ZXDA: variants seen among roughly 807,000 people sequenced by gnomAD.
ZXDA encodes the protein zinc finger X-linked duplicated A.
In ZXDA, 5 loss-of-function variants were observed where a neutral mutation model predicts 10.1. The ratio of observed to expected loss-of-function variants is 0.50; its 90% CI spans 0.26 to 1.04. The LOEUF (loss-of-function observed/expected upper bound fraction) is 1.04, where lower values mean the gene tolerates loss of function less well. ZXDA is among the 50% of genes least tolerant of loss of function. The pLI is 0.14. For synonymous variants in ZXDA, 266 were observed against 313.1 expected, an observed-to-expected ratio of 0.85 and a Z score of 1.59; for missense variants, 501 against 672.4, an observed-to-expected ratio of 0.75 and a Z score of 2.82.
Position 57,906,729 on chromosome X carries a change from A to G in ZXDA, c.*1292T>C, listed in dbSNP as rs1010338422. On this transcript the variant is annotated 3_prime_UTR_variant, in exon 1 of 1. Transcript: ENST00000358697. ...TACATTTGTAATCTGAGCTAGGTAAATTTTAATATGAATTGTAGATCTGAC... is the reference window on the plus strand; with the variant it reads ...TACATTTGTAATCTGAGCTAGGTAAGTTTTAATATGAATTGTAGATCTGAC... The G allele has an allele frequency of 9.0e-6, 1 of 111,321 alleles. No homozygotes were observed. Among genetic ancestry groups the G allele is most frequent in the African/African-American group, 3.3e-5 (1 of 30,583 alleles). The allele number at this position is 111,321 out of a possible 1,213,427, so 9.2% of individuals were successfully genotyped here. A position where few individuals can be genotyped will look rare whatever the true frequency, so the allele number is the denominator to read the frequency against.
At position 57,910,172 on chromosome X, in the gene ZXDA, G is replaced by A. The variant is rs1392422029; in HGVS notation, c.249C>T (p.Gly83=). 1.0e-5 allele frequency: 12 copies of A among 1,199,999 alleles called. No individual in the cohort carries two copies. In the African/African-American group the frequency reaches 1.1e-4, roughly 11 times the overall value. The change falls in exon 1 of 1, where the codon GGC becomes GGT. Residue 83 remains glycine, a synonymous_variant. Coordinates refer to ENST00000358697, the MANE Select transcript of ZXDA (RefSeq NM_007156.5). Reference sequence around the variant, plus strand: ...GCACCAGGAAGAAGTCGTCGCCGCCGCCGCTAGGTTGATGGGGCCTCGGCG... The same window carrying A: ...GCACCAGGAAGAAGTCGTCGCCGCCACCGCTAGGTTGATGGGGCCTCGGCG... ...LFAPRPHQPS[G]GGDDFFLVLL...
chrX:57,905,775 G>C lies in ZXDA; in HGVS notation c.*2246C>G, dbSNP rs1278447287. On this transcript the variant is annotated 3_prime_UTR_variant, in exon 1 of 1. Coordinates refer to ENST00000358697, the MANE Select transcript of ZXDA (RefSeq NM_007156.5). ...GAAAATTCTATAGACCATAACAAAA[G>C]CATAGCTTATGATAGTTTTCATGGG... Among the ~76,000 whole-genome samples, 3 of 111,426 alleles carry C rather than the reference G, an allele frequency of 2.7e-5. No homozygotes were observed. The highest frequency in any genetic ancestry group is 5.7e-5 in the Non-Finnish European group (3 of 53,008).
chrX:57,910,161 T>C lies in ZXDA; in HGVS notation c.260A>G (p.Asp87Gly). Residue 87 changes from aspartate to glycine, a missense_variant, in exon 1 of 1, where the codon GAC (aspartate) becomes GGC (glycine). By Grantham distance (94) the Asp-to-Gly change is moderately conservative. Around this residue, in one of 5 missense-constraint regions of ZXDA, gnomAD observed 251 missense variants for 221.6 expected, o/e 1.13. Coordinates refer to ENST00000358697, the MANE Select transcript of ZXDA (RefSeq NM_007156.5). Reference sequence around the variant, plus strand: ...CGGGTCAAGCAGCACCAGGAAGAAGTCGTCGCCGCCGCCGCTAGGTTGATG... The same window carrying C: ...CGGGTCAAGCAGCACCAGGAAGAAGCCGTCGCCGCCGCCGCTAGGTTGATG... ...RPHQPSGGGD[D>G]FFLVLLDPVG... 1 of 1,200,966 alleles carries C rather than the reference T, an allele frequency of 8.3e-7. No homozygotes were observed. The highest frequency in any genetic ancestry group is 1.1e-6 in the Non-Finnish European group (1 of 893,330).
Position 57,907,861 on chromosome X carries a change from G to A in ZXDA, c.*160C>T. 3.1e-6 allele frequency: 2 copies of A among 652,997 alleles called. No homozygotes were observed. The highest frequency in any genetic ancestry group is 4.5e-6 in the Non-Finnish European group (2 of 441,687). 53.8% of individuals were successfully genotyped at this position (652,997 alleles called of 1,213,427 possible). ...AGGGTCACACAACTTGTCAGTTCCA[G>A]ACTCAAGATCAGAATTTAGATCTCC... On this transcript the variant is annotated 3_prime_UTR_variant, in exon 1 of 1. Transcript: ENST00000358697.
rs968563171 is a variant in ZXDA, at chrX:57,906,862, T to C, written c.*1159A>G. The C allele has an allele frequency of 6.3e-5, 7 of 111,849 alleles. No homozygotes were observed. Among genetic ancestry groups the C allele is most frequent in the African/African-American group, 2.3e-4 (7 of 30,748 alleles). 9.2% of individuals were successfully genotyped at this position (111,849 alleles called of 1,213,427 possible). ...TAAGATAGATGGTATCTACTCAAAA[T>C]GCAGACAAAACCCTCTCATTTCAAC... On this transcript the variant is annotated 3_prime_UTR_variant, in exon 1 of 1. Coordinates refer to ENST00000358697, the MANE Select transcript of ZXDA (RefSeq NM_007156.5).
In ZXDA at chrX:57,905,781, C is replaced by T. The variant is rs761063482; in HGVS notation, c.*2240G>A. Among the ~76,000 whole-genome samples the T allele has an allele frequency of 9.0e-6, 1 of 111,402 alleles. No individual in the cohort carries two copies. Among genetic ancestry groups the T allele is most frequent in the East Asian group, 2.8e-4 (1 of 3,579 alleles). ...TCTATAGACCATAACAAAAGCATAG[C>T]TTATGATAGTTTTCATGGGAGGAAA... On this transcript the variant is annotated 3_prime_UTR_variant, in exon 1 of 1. Coordinates refer to ENST00000358697, the MANE Select transcript of ZXDA (RefSeq NM_007156.5).
chrX:57,908,122 C>G lies in ZXDA; in HGVS notation c.2299G>C (p.Glu767Gln), dbSNP rs143555051. 2 of 1,212,081 alleles carry G rather than the reference C, an allele frequency of 1.7e-6. No homozygotes were observed. The stretch of plus-strand genomic sequence containing the variant: ...GGGAATCCAAACTGGGTTTCTCCCT[C>G]CTGTCCAAAGAAGTCAGAGTTAGGA... ...VHPNSDFFGQ[E>Q]GETQFGFPNA... Residue 767 changes from glutamate to glutamine, a missense_variant, in exon 1 of 1, where the codon GAG (glutamate) becomes CAG (glutamine). Glu to Gln is a conservative substitution (Grantham distance 29, BLOSUM62 2). Transcript: ENST00000358697.
At position 57,908,771 on chromosome X, in the gene ZXDA, A is replaced by G; in HGVS notation, c.1650T>C (p.Cys550=). 4.1e-6 allele frequency: 5 copies of G among 1,206,284 alleles called. No individual in the cohort carries two copies. The highest frequency in any genetic ancestry group is 3.5e-5 in the African/African-American group (2 of 56,403). The part of the protein sequence containing the change: ...TWKSRCPISS[C]NKLFTSKHSM... ...TGTGCTTGGATGTGAAGAGTTTATT[A>G]CAAGAGGAGATCGGGCAACGGCTTT... Residue 550 remains cysteine, a synonymous_variant, in exon 1 of 1, where the codon TGT becomes TGC. Transcript: ENST00000358697.
In ZXDA at chrX:57,908,737, T is replaced by C; in HGVS notation, c.1684A>G (p.Thr562Ala). ...KLFTSKHSMKTHMVKRHKVGQ... is the reference protein window; with the variant it reads ...KLFTSKHSMKAHMVKRHKVGQ... ...ACCTTATGCCTTTTAACCATGTGCG[T>C]CTTCATGCTGTGCTTGGATGTGAAG... The change falls in exon 1 of 1, where the codon ACG becomes GCG. Residue 562 changes from threonine (T) to alanine (A), a missense_variant. By Grantham distance (58) the Thr-to-Ala change is moderately conservative. This residue lies in a region of ZXDA where 171 missense variants were observed against 262.7 expected (regional missense o/e 0.65). Coordinates refer to ENST00000358697, the MANE Select transcript of ZXDA (RefSeq NM_007156.5). The C allele has an allele frequency of 8.3e-7, 1 of 1,208,367 alleles. No individual in the cohort carries two copies. Among genetic ancestry groups the C allele is most frequent in the Non-Finnish European group, 1.1e-6 (1 of 893,888 alleles).
In ZXDA at chrX:57,909,959, G is replaced by T; in HGVS notation, c.462C>A (p.Ala154=). Residue 154 remains alanine, a synonymous_variant, in exon 1 of 1, where the codon GCC becomes GCA. Coordinates refer to ENST00000358697, the MANE Select transcript of ZXDA (RefSeq NM_007156.5). Reference sequence around the variant, plus strand: ...CCGCGAAGGCCGCGGCGGGGCCGGGGGCGGAGATCGGGGCCGGAGTGGGAA... The same window carrying T: ...CCGCGAAGGCCGCGGCGGGGCCGGGTGCGGAGATCGGGGCCGGAGTGGGAA... The part of the protein sequence containing the change: ...SAVPTPAPIS[A]PGPAAAFAGT... 8.6e-7 allele frequency: 1 copy of T among 1,158,125 alleles called. No individual in the cohort carries two copies. Among genetic ancestry groups the T allele is most frequent in the Non-Finnish European group, 1.1e-6 (1 of 873,235 alleles).
rs775048950 is a variant in ZXDA at position 57,909,222 on chromosome X, A to C, written c.1199T>G (p.Phe400Cys). The C allele has an allele frequency of 8.3e-7, 1 of 1,210,290 alleles. No homozygotes were observed. Among genetic ancestry groups the C allele is most frequent in the African/African-American group, 1.7e-5 (1 of 57,247 alleles). ...QCAFSGCKKT[F>C]ITVSALFSHN... ...GGAAAACAGAGCACTCACTGTGATA[A>C]ATGTCTTCTTGCAGCCAGAAAACGC... The change falls in exon 1 of 1, where the codon TTT becomes TGT. Residue 400 changes from phenylalanine to cysteine, a missense_variant. Coordinates refer to ENST00000358697, the MANE Select transcript of ZXDA (RefSeq NM_007156.5).
At position 57,908,179 on chromosome X, in the gene ZXDA, G is replaced by A. The variant is rs754394712; in HGVS notation, c.2242C>T (p.Leu748=). The A allele has an allele frequency of 4.1e-6, 5 of 1,212,001 alleles. No homozygotes were observed. In the South Asian group the frequency reaches 8.8e-5, roughly 21 times the overall value. The part of the protein sequence containing the change: ...TLCENSVSEL[L]TPAKAEWSVH... ...CTCCACTCCGCTTTGGCTGGTGTCAGTAGTTCTGAGACACTGTTTTCACAA... is the reference window on the plus strand; with the variant it reads ...CTCCACTCCGCTTTGGCTGGTGTCAATAGTTCTGAGACACTGTTTTCACAA... Residue 748 remains leucine (L), a synonymous_variant, in exon 1 of 1, where the codon CTG becomes TTG. Transcript: ENST00000358697.
In ZXDA at chrX:57,910,237, C is replaced by T. The variant is rs2014414646; in HGVS notation, c.184G>A (p.Ala62Thr). 1.7e-6 allele frequency: 2 copies of T among 1,145,021 alleles called. No homozygotes were observed. The highest frequency in any genetic ancestry group is 1.2e-6 in the Non-Finnish European group (1 of 869,108). The allele number at this position is 1,145,021 out of a possible 1,213,427, so 94.4% of individuals were successfully genotyped here. Reference protein sequence around the residue: ...DGGPGRRREEASTASRGPGPS... With the variant: ...DGGPGRRREETSTASRGPGPS... ...CCAGGGCCCCGTGATGCCGTGCTGG[C>T]CTCCTCGCGCCGCCGCCCGGGCCCG... is the stretch of plus-strand genomic sequence containing the variant. The change falls in exon 1 of 1, where the codon GCC (alanine) becomes ACC (threonine). Residue 62 changes from alanine (A) to threonine (T), a missense_variant. Ala to Thr is a moderately conservative substitution (Grantham distance 58). Coordinates refer to ENST00000358697, the MANE Select transcript of ZXDA (RefSeq NM_007156.5).
rs371856749 is a variant in ZXDA at position 57,909,934 on chromosome X, C to T, written c.487G>A (p.Gly163Ser). 4.3e-5 allele frequency: 51 copies of T among 1,172,534 alleles called. No individual in the cohort carries two copies. In the African/African-American group the frequency reaches 6.3e-4, roughly 14 times the overall value. The change falls in exon 1 of 1, where the codon GGC (glycine) becomes AGC (serine). Residue 163 changes from glycine (G) to serine (S), a missense_variant. Physicochemically the swap from Gly to Ser is moderately conservative, Grantham distance 56. This residue lies in a region of ZXDA where 251 missense variants were observed against 221.6 expected (regional missense o/e 1.13). Coordinates refer to ENST00000358697, the MANE Select transcript of ZXDA (RefSeq NM_007156.5). ...TCCTGGTTGTGGATAGTGACTGTGCCCGCGAAGGCCGCGGCGGGGCCGGGG... is the reference window on the plus strand; with the variant it reads ...TCCTGGTTGTGGATAGTGACTGTGCTCGCGAAGGCCGCGGCGGGGCCGGGG... Reference protein sequence around the residue: ...SAPGPAAAFAGTVTIHNQDLL... With the variant: ...SAPGPAAAFASTVTIHNQDLL...
Position 57,905,465 on chromosome X carries a change from G to A in ZXDA, c.*2556C>T, listed in dbSNP as rs1037461652. On this transcript the variant is annotated 3_prime_UTR_variant, in exon 1 of 1. Coordinates refer to ENST00000358697, the MANE Select transcript of ZXDA (RefSeq NM_007156.5). ...GCATTTTTTATTGTGTTTTCAATTGGCAAAATGTTAATAAATCAAGGACTG... is the reference window on the plus strand; with the variant it reads ...GCATTTTTTATTGTGTTTTCAATTGACAAAATGTTAATAAATCAAGGACTG... 5.4e-5 allele frequency among the ~76,000 whole-genome samples: 6 copies of A among 111,413 alleles called. No homozygotes were observed. Among genetic ancestry groups the A allele is most frequent in the Non-Finnish European group, 1.1e-4 (6 of 53,084 alleles).
In ZXDA at chrX:57,907,137, A is replaced by G. The variant is rs2014370019; in HGVS notation, c.*884T>C. On this transcript the variant is annotated 3_prime_UTR_variant, in exon 1 of 1. Coordinates refer to ENST00000358697, the MANE Select transcript of ZXDA (RefSeq NM_007156.5). ...CTTTTCCTCTTTCTTAACCTTCACA[A>G]ATGTTTATTTCCTGCACAATCCTGA... is the stretch of plus-strand genomic sequence containing the variant. The G allele has an allele frequency of 8.9e-6, 1 of 112,922 alleles. No homozygotes were observed. Among genetic ancestry groups the G allele is most frequent in the South Asian group, 3.6e-4 (1 of 2,786 alleles). The allele number at this position is 112,922 out of a possible 1,213,427, so 9.3% of individuals were successfully genotyped here. A position where few individuals can be genotyped will look rare whatever the true frequency, so the allele number is the denominator to read the frequency against.
chrX:57,909,007 T>G lies in ZXDA; in HGVS notation c.1414A>C (p.Arg472=). ...TSMSKLLRHK[R]KHDDDRRFMC... ...AACCTCCGGTCATCGTCGTGCTTCCTTTTGTGCCTTAAGAGTTTGGACATG... is the reference window on the plus strand; with the variant it reads ...AACCTCCGGTCATCGTCGTGCTTCCGTTTGTGCCTTAAGAGTTTGGACATG... The change falls in exon 1 of 1, where the codon AGG becomes CGG. Residue 472 remains arginine, a synonymous_variant. Coordinates refer to ENST00000358697, the MANE Select transcript of ZXDA (RefSeq NM_007156.5). 8.3e-7 allele frequency: 1 copy of G among 1,211,777 alleles called. No individual in the cohort carries two copies. The highest frequency in any genetic ancestry group is 1.1e-6 in the Non-Finnish European group (1 of 895,521).
chrX:57,908,974 G>T lies in ZXDA; in HGVS notation c.1447C>A (p.Pro483Thr), dbSNP rs1170905957. ...KHDDDRRFMC[P>T]VEGCGKSFTR... Reference sequence around the variant, plus strand: ...AAAGATTTCCCACAGCCTTCCACAGGGCACATGAACCTCCGGTCATCGTCG... The same window carrying T: ...AAAGATTTCCCACAGCCTTCCACAGTGCACATGAACCTCCGGTCATCGTCG... Residue 483 changes from proline (P) to threonine (T), a missense_variant, in exon 1 of 1, where the codon CCT becomes ACT. By Grantham distance (38) the Pro-to-Thr change is conservative (BLOSUM62 -1). This residue lies in a region of ZXDA where 171 missense variants were observed against 262.7 expected (regional missense o/e 0.65). Coordinates refer to ENST00000358697, the MANE Select transcript of ZXDA (RefSeq NM_007156.5). 1 of 1,209,579 alleles carries T rather than the reference G, an allele frequency of 8.3e-7. No homozygotes were observed. The highest frequency in any genetic ancestry group is 1.1e-6 in the Non-Finnish European group (1 of 895,142).
chrX:57,909,324 T>A lies in ZXDA; in HGVS notation c.1097A>T (p.Glu366Val), dbSNP rs2014395373. 8.3e-7 allele frequency: 1 copy of A among 1,210,443 alleles called. No individual in the cohort carries two copies. The highest frequency in any genetic ancestry group is 2.2e-5 in the Admixed American group (1 of 45,887). ...QENSFKCEVC[E>V]ESFPTQAKLG... is the part of the protein sequence containing the mutation. ...TTTGGCCTGCGTGGGGAAGCTCTCCTCGCACACCTCACATTTGAACGAGTT... is the reference window on the plus strand; with the variant it reads ...TTTGGCCTGCGTGGGGAAGCTCTCCACGCACACCTCACATTTGAACGAGTT... The change falls in exon 1 of 1, where the codon GAG becomes GTG. Residue 366 changes from glutamate to valine, a missense_variant. This residue lies in a region of ZXDA where 171 missense variants were observed against 262.7 expected (regional missense o/e 0.65). Transcript: ENST00000358697.
Sources: gnomAD v4.1 joint callset for allele counts (sites outside exome capture counted in the v4.1 genomes callset) on GRCh38, gnomAD v4.1.1 for gene constraint, gnomAD v4.1.1 regional missense constraint, MANE v1.5 for transcripts, NCBI Gene and HGNC (gene_info 2026-07-23, HGNC 2026-07-21) for gene names.